DRD2: variants seen among roughly 807,000 people sequenced by gnomAD.
The protein encoded by DRD2 is D(2) dopamine receptor.
DRD2 carries 8 observed loss-of-function variants against 38.0 expected under a neutral mutation model. That is an observed-to-expected ratio of 0.21 (90% CI 0.12 to 0.38). The LOEUF (loss-of-function observed/expected upper bound fraction) is 0.38. Among genes scored for constraint, DRD2 ranks in the 10% least tolerant of loss-of-function variants. The pLI is 1.00. For synonymous variants in DRD2, 230 were observed against 238.6 expected (o/e 0.96, Z 0.33); for missense variants, 403 against 607.7 (o/e 0.66, Z 3.54).
chr11:113,421,799 T>C (rs1950886909), intron 2 of DRD2, among the ~76,000 whole-genome samples: 1 of 151,994 alleles, frequency 6.6e-6, no homozygotes, highest in African/African-American at 2.4e-5. Context: ...CCTGGGACGT[T>C]CTCTAGGGAC....
At chr11:113,466,580 G>A (rs2119988502) in intron 1 of DRD2, among the ~76,000 whole-genome samples, 1 of 152,264 alleles carries the variant, frequency 6.6e-6, no homozygotes, top group South Asian at 2.1e-4. Flanking sequence ...TGCAGGTTAG[G>A]GATGAAAGAG....
In DRD2 at chr11:113,415,494, C is replaced by A; in HGVS notation, c.650G>T (p.Arg217Leu). 6.2e-7 allele frequency: 1 copy of A among 1,614,016 alleles called. No individual in the cohort carries two copies. Among genetic ancestry groups the A allele is most frequent in the Non-Finnish European group, 8.5e-7 (1 of 1,180,020 alleles). ...LVYIKIYIVL[R>L]RRRKRVNTKR... Reference sequence around the variant, plus strand: ...GGTGTTGACTCGCTTGCGGCGTCTGCGGAGGACAATGTAGATCTTGATGTA... The same window carrying A: ...GGTGTTGACTCGCTTGCGGCGTCTGAGGAGGACAATGTAGATCTTGATGTA... The change falls in exon 5 of 8, where the codon CGC (arginine) becomes CTC (leucine). Residue 217 changes from arginine (R) to leucine (L), a missense_variant. Transcript: ENST00000362072.
chr11:113,413,778 CA>C (rs1278620563), intron 6 of DRD2: 3 of 212,584 alleles, frequency 1.4e-5, no homozygotes, highest in Admixed American at 5.2e-5. Flanking sequence ...TACCACCTGG[CA>C]GAGGCTGGGG....
At chr11:113,417,436 C>T (rs1950838502) in intron 3 of DRD2, among the ~76,000 whole-genome samples, 1 of 151,822 alleles carries the variant, frequency 6.6e-6, no homozygotes, top group Non-Finnish European at 1.5e-5. Flanking sequence ...CAATTGTCTA[C>T]AATCCTTCAT....
chr11:113,473,196 C>T (rs1170844632), intron 1 of DRD2, among the ~76,000 whole-genome samples: 2 of 152,034 alleles, frequency 1.3e-5, no homozygotes, highest in Non-Finnish European at 2.9e-5. Context: ...ATACCTGCTA[C>T]CAATTTTATG....
chr11:113,415,436 C>G lies in DRD2; in HGVS notation c.708G>C (p.Leu236=), dbSNP rs1950815974. 6.2e-7 allele frequency: 1 copy of G among 1,613,296 alleles called. No individual in the cohort carries two copies. The highest frequency in any genetic ancestry group is 8.5e-7 in the Non-Finnish European group (1 of 1,179,494). Residue 236 remains leucine, a synonymous_variant, in exon 5 of 8, where the codon CTG becomes CTC. Coordinates refer to ENST00000362072, the MANE Select transcript of DRD2 (RefSeq NM_000795.4). ...KRSSRAFRAH[L]RAPLKGNCTH... ...GTCTTGAGACCTTTAGTGGAGCCCTCAGGTGGGCCCTGAAAGCTCGGCTGC... is the reference window on the plus strand; with the variant it reads ...GTCTTGAGACCTTTAGTGGAGCCCTGAGGTGGGCCCTGAAAGCTCGGCTGC...
At position 113,410,847 on chromosome 11, in the gene DRD2, C is replaced by T. The variant is rs200532405; in HGVS notation, c.1212G>A (p.Pro404=). 3.5e-5 allele frequency: 56 copies of T among 1,613,962 alleles called. No individual in the cohort carries two copies. The highest frequency in any genetic ancestry group is 4.4e-5 in the South Asian group (4 of 91,078). ...ILNIHCDCNI[P]PVLYSAFTWL... Reference sequence around the variant, plus strand: ...ACGTGAAGGCGCTGTACAGGACAGGCGGGATGTTGCAGTCACAGTGTATGT... The same window carrying T: ...ACGTGAAGGCGCTGTACAGGACAGGTGGGATGTTGCAGTCACAGTGTATGT... The change falls in exon 8 of 8, where the codon CCG becomes CCA. Residue 404 remains proline (P), a synonymous_variant. Transcript: ENST00000362072.
intron 1 of DRD2, among the ~76,000 whole-genome samples, chr11:113,469,479 A>G (rs951087683): frequency 1.3e-5 from 2 of 152,164 alleles, no homozygotes; most frequent in African/African-American, 4.8e-5. Context: ...CTATTGCTTT[A>G]GCCTTAAACA....
chr11:113,424,909 A>G (rs892597238), intron 1 of DRD2: 26 of 554,630 alleles, frequency 4.7e-5, no homozygotes, highest in African/African-American at 3.4e-4. Flanking sequence ...AAAAATGCAT[A>G]ATAAGATGAG....
chr11:113,441,531 G>T lies in DRD2; in HGVS notation c.-31-16849C>A, dbSNP rs983254102. Among the ~76,000 whole-genome samples the T allele has an allele frequency of 2.0e-5, 3 of 152,188 alleles. No individual in the cohort carries two copies. In the South Asian group the frequency reaches 6.2e-4, roughly 32 times the overall value. ...TACAGATATCTAGCTTCTTTTACAA[G>T]AAGAATCATAAAATCTTGGAAACAC... On this transcript the variant is annotated intron_variant, in intron 1 of 7. Coordinates refer to ENST00000362072, the MANE Select transcript of DRD2 (RefSeq NM_000795.4).
intron 1 of DRD2, among the ~76,000 whole-genome samples, chr11:113,461,171 G>T (rs940280368): frequency 6.6e-6 from 1 of 152,176 alleles, no homozygotes; most frequent in African/African-American, 2.4e-5. Flanking sequence ...ATGAATCTGC[G>T]AGGCCACAGG....
rs529756340 is a variant in DRD2 at position 113,451,461 on chromosome 11, T to C, written c.-32+23615A>G. 7.2e-5 allele frequency among the ~76,000 whole-genome samples: 11 copies of C among 152,278 alleles called. No homozygotes were observed. In the East Asian group the frequency reaches 2.1e-3, roughly 29 times the overall value. On this transcript the variant is annotated intron_variant, in intron 1 of 7. Transcript: ENST00000362072. ...TTTCTTCCACGTATATATGTATATA[T>C]ATAATTTTTCCTGTATCCTCTTTTA...
chr11:113,434,145 C>G (rs961995792), intron 1 of DRD2, among the ~76,000 whole-genome samples: 1 of 152,228 alleles, frequency 6.6e-6, no homozygotes, highest in African/African-American at 2.4e-5. Context: ...GCTTTCACAA[C>G]ACGTGTGCTC....
rs192784945 is a variant in DRD2, at chr11:113,428,270, G to A, written c.-31-3588C>T. Among the ~76,000 whole-genome samples the A allele has an allele frequency of 3.5e-3, 530 of 152,308 alleles. 3 individuals are homozygous for A. Among genetic ancestry groups the A allele is most frequent in the African/African-American group, 0.012 (511 of 41,582 alleles). ...AAGTGAGGAAGCAGGACAGGCCAGAGGGAGAAGTCACAAGAAAGGCATCAG... is the reference window on the plus strand; with the variant it reads ...AAGTGAGGAAGCAGGACAGGCCAGAAGGAGAAGTCACAAGAAAGGCATCAG... On this transcript the variant is annotated intron_variant, in intron 1 of 7. Transcript: ENST00000362072.
At chr11:113,474,617 G>A (rs10789943) in intron 1 of DRD2, among the ~76,000 whole-genome samples, 25,373 of 152,068 alleles carry the variant, frequency 0.17, 2,480 homozygotes, top group East Asian at 0.39. Context: ...CCAACACAGA[G>A]TTGCCAAAAA....
intron 6 of DRD2, 41 bp from the exon 7 acceptor site, chr11:113,412,924 T>C: frequency 6.3e-7 from 1 of 1,581,110 alleles, no homozygotes; most frequent in Non-Finnish European, 8.6e-7. Flanking sequence ...GCCGGACAAG[T>C]TCCCAGGCAT....
At chr11:113,446,724 C>A (rs370929390) in intron 1 of DRD2, among the ~76,000 whole-genome samples, 1 of 152,192 alleles carries the variant, frequency 6.6e-6, no homozygotes, top group Non-Finnish European at 1.5e-5. Flanking sequence ...ATCCCATGTC[C>A]CCACTGTACA....
At chr11:113,421,483 A>G (rs372400693) in intron 2 of DRD2, among the ~76,000 whole-genome samples, 4 of 152,226 alleles carry the variant, frequency 2.6e-5, no homozygotes, top group Middle Eastern at 3.4e-3. Context: ...CCGCTCCTTA[A>G]AGGGTTGTGA....
In DRD2 at chr11:113,456,572, T is replaced by TA. The variant is rs1039861201; in HGVS notation, c.-32+18503dup. Among the ~76,000 whole-genome samples, 13 of 152,148 alleles carry TA rather than the reference T, an allele frequency of 8.5e-5. No individual in the cohort carries two copies. In the South Asian group the frequency reaches 1.5e-3, roughly 17 times the overall value. The stretch of plus-strand genomic sequence containing the variant: ...TTTTCAATAAAAATACAATTTTTTT[T>TA]AAAAAAAGAAGAAAATCCTGTCACA... On this transcript the variant is annotated intron_variant, in intron 1 of 7. Coordinates refer to ENST00000362072, the MANE Select transcript of DRD2 (RefSeq NM_000795.4).
Sources: gnomAD v4.1 joint callset for allele counts (sites outside exome capture counted in the v4.1 genomes callset) on GRCh38, gnomAD v4.1.1 for gene constraint, MANE v1.5 for transcripts, NCBI Gene and HGNC (gene_info 2026-07-23, HGNC 2026-07-21) for gene names.